Variants in PTPRT observed in about 807,000 individuals in gnomAD.
The protein encoded by PTPRT is receptor-type tyrosine-protein phosphatase T.
In PTPRT, 56 loss-of-function variants were observed where a neutral mutation model predicts 176.8. The observed-to-expected ratio is 0.32, with a 90% confidence interval of 0.26 to 0.40. PTPRT has a LOEUF of 0.40. Among genes scored for constraint, PTPRT ranks in the 10% least tolerant of loss-of-function variants. PTPRT has a pLI of 1.00. For missense variants in PTPRT, 1,540 were observed against 1,908.2 expected, an observed-to-expected ratio of 0.81 and a Z score of 3.60; for synonymous variants, 783 against 739.0, an observed-to-expected ratio of 1.06 and a Z score of -0.96.
At chr20:42,415,380 T>TTGTC (rs1458029861) in intron 9 of PTPRT, among the ~76,000 whole-genome samples, 4 of 151,494 alleles carry the variant, frequency 2.6e-5, no homozygotes, top group Admixed American at 1.3e-4. Context: ...GTTTGTTTGT[T>TTGTC]TGTTTGTTTT....
chr20:43,121,182 G>C (rs1394874971), intron 1 of PTPRT, among the ~76,000 whole-genome samples: 3 of 151,694 alleles, frequency 2.0e-5, no homozygotes, highest in Non-Finnish European at 4.4e-5. Context: ...ATTGCAAGAA[G>C]TAGTTCATTA....
At chr20:42,367,011 G>T (rs539533130) in intron 9 of PTPRT, among the ~76,000 whole-genome samples, 9 of 152,218 alleles carry the variant, frequency 5.9e-5, no homozygotes, top group African/African-American at 2.2e-4. Context: ...TCCTTCTCCC[G>T]CATTTTATTT....
At chr20:42,335,140 G>A (rs2145449766) in intron 11 of PTPRT, among the ~76,000 whole-genome samples, 1 of 152,342 alleles carries the variant, frequency 6.6e-6, no homozygotes, top group Non-Finnish European at 1.5e-5. Context: ...GAGAGATTCT[G>A]ATGTTGGAGT....
In PTPRT at chr20:42,104,723, A is replaced by G. The variant is rs772847484; in HGVS notation, c.3391-5T>C. The G allele has an allele frequency of 6.4e-6, 10 of 1,569,598 alleles. No homozygotes were observed. The African/African-American group carries it at 1.4e-4, about 21-fold the overall frequency. ...GTGCACAAACACATATTGCTCCTGC[A>G]AAGTCAGAAGAGAGGGAATGGGGTG... On this transcript the variant is annotated splice_region_variant and splice_polypyrimidine_tract_variant and intron_variant, in intron 24 of 30. Transcript: ENST00000373187.
At chr20:42,487,818 C>T (rs1002503408) in intron 7 of PTPRT, among the ~76,000 whole-genome samples, 6 of 152,142 alleles carry the variant, frequency 3.9e-5, no homozygotes, top group East Asian at 1.9e-4. Flanking sequence ...AGCGGCAAGA[C>T]GAAACTAACA....
intron 1 of PTPRT, among the ~76,000 whole-genome samples, chr20:43,169,315 A>AT (rs2014936674): frequency 6.6e-6 from 1 of 152,146 alleles, no homozygotes; most frequent in Admixed American, 6.5e-5. Context: ...GCCCACATCT[A>AT]TTTTTTCTCC....
At chr20:42,556,452 A>T (rs1157346) in intron 7 of PTPRT, among the ~76,000 whole-genome samples, 35,936 of 152,056 alleles carry the variant, frequency 0.24, 4,803 homozygotes, top group African/African-American at 0.36. Context: ...GTAAGTGGAT[A>T]TTGGCGGTGG....
chr20:42,086,753 A>AAAAAAAAATATATATATATAT (rs1983991312), intron 27 of PTPRT, among the ~76,000 whole-genome samples: 2 of 95,546 alleles, frequency 2.1e-5, no homozygotes, highest in African/African-American at 9.8e-5. Flanking sequence ...AAAAAAAAAA[A>AAAAAAAAATATATATATATAT]ATATATATAT....
intron 6 of PTPRT, among the ~76,000 whole-genome samples, chr20:42,699,882 C>T (rs1394031166): frequency 6.6e-6 from 1 of 152,040 alleles, no homozygotes; most frequent in African/African-American, 2.4e-5. Flanking sequence ...AAAAGTAAGC[C>T]CACAAACTAA....
At chr20:43,112,385 T>A (rs1639049501) in intron 1 of PTPRT, among the ~76,000 whole-genome samples, 1 of 152,146 alleles carries the variant, frequency 6.6e-6, no homozygotes, top group Non-Finnish European at 1.5e-5. Context: ...GCATGGGAAA[T>A]TTCCATATGG....
Position 43,189,763 on chromosome 20 carries a change from C to A in PTPRT, c.-30G>T. ...GCGGCGGCGGGCAGCTCAGCCCCTT[C>A]CCGCGGGGGCCGGGGCCGGGACTGG... On this transcript the variant is annotated 5_prime_UTR_variant, in exon 1 of 31. Transcript: ENST00000373187. This position sits in a 1 kb window ranked among gnomAD's most constrained non-coding sequence, Gnocchi z 5.0. The A allele has an allele frequency of 8.8e-7, 1 of 1,142,332 alleles. No homozygotes were observed. Among genetic ancestry groups the A allele is most frequent in the African/African-American group, 1.6e-5 (1 of 60,728 alleles). The allele number at this position is 1,142,332 out of a possible 1,614,324, so 70.8% of individuals were successfully genotyped here.
intron 7 of PTPRT, among the ~76,000 whole-genome samples, chr20:42,513,827 G>A (rs1028922550): frequency 2.6e-5 from 4 of 152,236 alleles, no homozygotes; most frequent in African/African-American, 9.6e-5. Context: ...TACATAAGCA[G>A]TGATAAACCT....
rs192148984 is a variant in PTPRT, at chr20:42,788,800, C to G, written c.486+2395G>C. On this transcript the variant is annotated intron_variant, in intron 3 of 30. Coordinates refer to ENST00000373187, the MANE Select transcript of PTPRT (RefSeq NM_007050.6). ...AAAGGCCAGGTCCCTTCTGAGAGCC[C>G]AGCCTTGGAGTTACCCCGCTTCATC... Among the ~76,000 whole-genome samples the G allele has an allele frequency of 9.5e-4, 144 of 152,296 alleles. 1 individual carries two copies. Among genetic ancestry groups the G allele is most frequent in the African/African-American group, 3.2e-3 (134 of 41,574 alleles).
chr20:43,168,415 C>T (rs2014911504), intron 1 of PTPRT, among the ~76,000 whole-genome samples: 1 of 152,156 alleles, frequency 6.6e-6, no homozygotes, highest in African/African-American at 2.4e-5. Context: ...CTTTCCCAGA[C>T]CATTTGAATG....
At chr20:43,177,647 A>G (rs1342391880) in intron 1 of PTPRT, among the ~76,000 whole-genome samples, 1 of 152,170 alleles carries the variant, frequency 6.6e-6, no homozygotes, top group Non-Finnish European at 1.5e-5. Flanking sequence ...CTCAGGCAGA[A>G]CAATTGCAAT....
intron 9 of PTPRT, among the ~76,000 whole-genome samples, chr20:42,379,602 A>G (rs1699004461): frequency 6.6e-6 from 1 of 152,212 alleles, no homozygotes; most frequent in African/African-American, 2.4e-5. Context: ...CCACATTCCT[A>G]CAAAGGAGTT....
At chr20:43,075,973 A>T (rs2011264367) in intron 1 of PTPRT, among the ~76,000 whole-genome samples, 1 of 152,140 alleles carries the variant, frequency 6.6e-6, no homozygotes, top group Non-Finnish European at 1.5e-5. Flanking sequence ...TGCCTTACAG[A>T]GTTAAAGAAC....
intron 7 of PTPRT, among the ~76,000 whole-genome samples, chr20:42,676,522 C>G (rs1284811689): frequency 6.8e-6 from 1 of 147,792 alleles, no homozygotes; most frequent in Non-Finnish European, 1.5e-5. Flanking sequence ...AGAACATCCC[C>G]AGCTGTATAT....
At chr20:43,137,782 G>A (rs553374191) in intron 1 of PTPRT, among the ~76,000 whole-genome samples, 61 of 152,158 alleles carry the variant, frequency 4.0e-4, no homozygotes, top group Admixed American at 1.2e-3. Flanking sequence ...ACACACACAC[G>A]CGCGTACACA....
Sources: allele counts gnomAD v4.1 joint callset (sites outside exome capture counted in the v4.1 genomes callset), GRCh38; gene constraint gnomAD v4.1.1; non-coding constraint Gnocchi (gnomAD v3.1); transcripts MANE v1.5; gene names NCBI Gene and HGNC (gene_info 2026-07-23, HGNC 2026-07-21).